The following TENM3 variants were observed in gnomAD, a reference collection of about 807,000 sequenced individuals.
TENM3 encodes the protein teneurin transmembrane protein 3, also known as teneurin-3.
In TENM3, 63 loss-of-function variants were observed where a neutral mutation model predicts 255.1. The ratio of observed to expected loss-of-function variants is 0.25; its 90% CI spans 0.20 to 0.30. The LOEUF (loss-of-function observed/expected upper bound fraction) is 0.30. Ranked by LOEUF, TENM3 falls within the 10% of genes least tolerant of loss-of-function variation. The probability of loss-of-function intolerance (pLI) is 1.00; values close to 1 mark genes in which losing one functional copy is unlikely to be tolerated. For synonymous variants in TENM3, 1,306 were observed against 1,322.3 expected (o/e 0.99, Z 0.27); for missense variants, 2,929 against 3,461.1 (o/e 0.85, Z 3.86).
chr4:181,981,719 T>C, the TENM3 span, among the ~76,000 whole-genome samples: 1 of 152,126 alleles, frequency 6.6e-6, no homozygotes, highest in Non-Finnish European at 1.5e-5. Context: ...TAGATAAAGA[T>C]AGTCCCAAGT....
the TENM3 span, among the ~76,000 whole-genome samples, chr4:181,459,260 G>A: frequency 1.3e-5 from 2 of 151,650 alleles, no homozygotes; most frequent in African/African-American, 2.4e-5. Context: ...TATTTATTAT[G>A]GAGTTCTTTC....
the TENM3 span, among the ~76,000 whole-genome samples, chr4:181,933,403 TA>T: frequency 3.3e-5 from 5 of 152,318 alleles, no homozygotes; most frequent in African/African-American, 1.2e-4. Flanking sequence ...TTGTCATGAA[TA>T]AACTAGGTCC....
At chr4:182,067,631 G>T in the TENM3 span, among the ~76,000 whole-genome samples, 1 of 152,286 alleles carries the variant, frequency 6.6e-6, no homozygotes, top group Middle Eastern at 3.4e-3. Context: ...AGAGCTCTAA[G>T]TTACCTGAAG....
the TENM3 span, among the ~76,000 whole-genome samples, chr4:182,093,424 C>T: frequency 3.1e-5 from 4 of 129,898 alleles, no homozygotes; most frequent in East Asian, 2.6e-4. Flanking sequence ...ACAACATTAG[C>T]GACAAAGCTA....
chr4:182,780,353 A>T (rs1348155951), intron 24 of TENM3, among the ~76,000 whole-genome samples: 1 of 124,230 alleles, frequency 8.0e-6, no homozygotes, highest in South Asian at 3.0e-4. Context: ...TTTGTCAAAG[A>T]TCAGATAGTT....
At chr4:182,387,420 A>G (rs965999195) in intron 3 of TENM3, among the ~76,000 whole-genome samples, 1 of 152,170 alleles carries the variant, frequency 6.6e-6, no homozygotes, top group Non-Finnish European at 1.5e-5. Context: ...TAAACGCACC[A>G]ATCAGCGCCC....
At chr4:182,107,885 T>C in the TENM3 span, among the ~76,000 whole-genome samples, 1 of 152,178 alleles carries the variant, frequency 6.6e-6, no homozygotes, top group Non-Finnish European at 1.5e-5. Context: ...AATGGTTACT[T>C]TACCCATTTT....
intron 3 of TENM3, among the ~76,000 whole-genome samples, chr4:182,352,265 C>A (rs964984900): frequency 2.0e-5 from 3 of 152,046 alleles, no homozygotes; most frequent in African/African-American, 7.2e-5. Flanking sequence ...TCTCCAAAAC[C>A]CCACATCCCT....
the TENM3 span, among the ~76,000 whole-genome samples, chr4:181,788,770 T>A: frequency 6.6e-6 from 1 of 152,150 alleles, no homozygotes; most frequent in African/African-American, 2.4e-5. Context: ...GCTAATTTTT[T>A]AACTTTTTGT....
intron 4 of TENM3, among the ~76,000 whole-genome samples, chr4:182,622,961 T>C (rs561578996): frequency 2.0e-5 from 3 of 152,084 alleles, no homozygotes; most frequent in Non-Finnish European, 4.4e-5. Context: ...AATGCAACTT[T>C]TAAAAATATT....
intron 3 of TENM3, among the ~76,000 whole-genome samples, chr4:182,485,370 T>G (rs1017729195): frequency 6.6e-6 from 1 of 152,146 alleles, no homozygotes; most frequent in African/African-American, 2.4e-5. Context: ...TTCACAAATT[T>G]TTTTTTCAGA....
intron 3 of TENM3, among the ~76,000 whole-genome samples, chr4:182,352,265 C>T (rs964984900): frequency 6.6e-6 from 1 of 152,046 alleles, no homozygotes; most frequent in Non-Finnish European, 1.5e-5. Flanking sequence ...TCTCCAAAAC[C>T]CCACATCCCT....
intron 1 of TENM3, among the ~76,000 whole-genome samples, chr4:182,252,666 A>T (rs13137015): frequency 0.24 from 35,819 of 152,110 alleles, 4,709 homozygotes; most frequent in Non-Finnish European, 0.28. Context: ...AAATGGCATA[A>T]TTATTATAAA....
At chr4:182,117,649 G>A in the TENM3 span, among the ~76,000 whole-genome samples, 1 of 152,132 alleles carries the variant, frequency 6.6e-6, no homozygotes, top group Non-Finnish European at 1.5e-5. Flanking sequence ...CTGTTCCATA[G>A]ATATATTTGT....
chr4:182,720,582 A>C (rs1442670231), intron 13 of TENM3, among the ~76,000 whole-genome samples: 1 of 152,086 alleles, frequency 6.6e-6, no homozygotes, highest in Non-Finnish European at 1.5e-5. Context: ...CTATCCACAG[A>C]ATTTTAGAGG....
intron 3 of TENM3, among the ~76,000 whole-genome samples, chr4:182,417,698 A>G (rs1770494091): frequency 6.6e-6 from 1 of 152,228 alleles, no homozygotes; most frequent in African/African-American, 2.4e-5. Flanking sequence ...TATTAGGACA[A>G]CAAAAGATAC....
In TENM3 at chr4:182,797,188, C is replaced by G. The variant is rs183392108; in HGVS notation, c.7344+421C>G. Among the ~76,000 whole-genome samples the G allele has an allele frequency of 1.6e-3, 237 of 152,202 alleles. 1 individual carries two copies. Among genetic ancestry groups the G allele is most frequent in the African/African-American group, 5.1e-3 (211 of 41,530 alleles). ...AGTGAGGGGGCTCACGCCTGTAATC[C>G]CAGCACTTTGGGAGGCCGAGGAGGT... On this transcript the variant is annotated intron_variant, in intron 27 of 27. Transcript: ENST00000511685.
At chr4:182,740,271 A>G (rs1761503711) in intron 18 of TENM3, among the ~76,000 whole-genome samples, 1 of 152,216 alleles carries the variant, frequency 6.6e-6, no homozygotes, top group South Asian at 2.1e-4. Flanking sequence ...TGCAGCACAC[A>G]TTGAAAAGGT....
chr4:182,171,098 A>C (rs1752078421), intron 1 of TENM3, among the ~76,000 whole-genome samples: 1 of 152,316 alleles, frequency 6.6e-6, no homozygotes, highest in Middle Eastern at 3.4e-3. Flanking sequence ...CTGACCCATA[A>C]AATTTTTACA....
Sources: gnomAD v4.1 joint callset for allele counts (sites outside exome capture counted in the v4.1 genomes callset) on GRCh38, gnomAD v4.1.1 for gene constraint, MANE v1.5 for transcripts, NCBI Gene and HGNC (gene_info 2026-07-23, HGNC 2026-07-21) for gene names.